PTPN1: variants seen among roughly 807,000 people sequenced by gnomAD.
PTPN1 encodes the protein tyrosine-protein phosphatase non-receptor type 1.
In PTPN1, 12 loss-of-function variants were observed where a neutral mutation model predicts 59.9. The observed-to-expected ratio is 0.20, with a 90% CI of 0.13 to 0.32. The LOEUF is 0.32. Among genes scored for constraint, PTPN1 ranks in the 10% least tolerant of loss-of-function variants. The pLI is 1.00. For missense variants in PTPN1, 356 were observed against 549.2 expected (o/e 0.65, Z 3.52); for synonymous variants, 178 against 203.6 (o/e 0.87, Z 1.07).
At chr20:50,564,608 A>G (rs2082770060) in intron 2 of PTPN1, among the ~76,000 whole-genome samples, 1 of 152,166 alleles carries the variant, frequency 6.6e-6, no homozygotes, top group African/African-American at 2.4e-5. Context: ...AAAAAAAGTT[A>G]TGCATCAGAG....
At chr20:50,546,734 C>G (rs1040891653) in intron 1 of PTPN1, among the ~76,000 whole-genome samples, 1 of 152,224 alleles carries the variant, frequency 6.6e-6, no homozygotes, top group East Asian at 1.9e-4. Context: ...CTCCATACTT[C>G]AGGGTAGGAG....
Position 50,582,564 on chromosome 20 carries a change from TAAAAC to T in PTPN1, c.1285-127_1285-123del. ...GGGGAGAGGGGGCTACTGTAAAAAA[TAAAAC>T]CAAAACCCCCTTTGCTCCCTCGGAG... On this transcript the variant is annotated intron_variant, in intron 9 of 9. Transcript: ENST00000371621. This position sits in a 1 kb window ranked among gnomAD's most constrained non-coding sequence, Gnocchi z 4.2. The T allele has an allele frequency of 1.0e-6, 1 of 961,202 alleles. No homozygotes were observed. The highest frequency in any genetic ancestry group is 1.6e-6 in the Non-Finnish European group (1 of 642,558). The allele number at this position is 961,202 out of a possible 1,614,324, so 59.5% of individuals were successfully genotyped here.
chr20:50,522,754 T>C (rs2082556532), intron 1 of PTPN1, among the ~76,000 whole-genome samples: 1 of 152,078 alleles, frequency 6.6e-6, no homozygotes, highest in Admixed American at 6.6e-5. Flanking sequence ...GGTATTTGTA[T>C]TTATTTATTT....
At chr20:50,573,337 C>A (rs771937256) in intron 4 of PTPN1, 13 of 152,250 alleles carry the variant, frequency 8.5e-5, no homozygotes, top group Non-Finnish European at 1.9e-4. Context: ...TCAAAACCTG[C>A]CTCTTGCACA....
intron 1 of PTPN1, among the ~76,000 whole-genome samples, chr20:50,538,481 C>G (rs1047769853): frequency 6.6e-6 from 1 of 152,176 alleles, no homozygotes; most frequent in Non-Finnish European, 1.5e-5. Flanking sequence ...CAGTGTGATC[C>G]TTTCTGTGTA....
At chr20:50,511,034 A>T (rs1332323134) in intron 1 of PTPN1, among the ~76,000 whole-genome samples, 1 of 151,424 alleles carries the variant, frequency 6.6e-6, no homozygotes, top group African/African-American at 2.4e-5. Flanking sequence ...CCTCCTTCAC[A>T]TTTCCTTTCC....
In PTPN1 at chr20:50,520,090, G is replaced by A. The variant is rs545722358; in HGVS notation, c.63+9500G>A. 5.9e-5 allele frequency among the ~76,000 whole-genome samples: 9 copies of A among 152,182 alleles called. No homozygotes were observed. In the South Asian group the frequency reaches 1.7e-3, roughly 28 times the overall value. On this transcript the variant is annotated intron_variant, in intron 1 of 9. Transcript: ENST00000371621. ...ACAGTATTTAAAAATCTTTGATTCC[G>A]GCCGGGCATGGTGGCTCACGCCTGT...
At chr20:50,555,345 A>C (rs1384520766) in intron 1 of PTPN1, among the ~76,000 whole-genome samples, 1 of 152,232 alleles carries the variant, frequency 6.6e-6, no homozygotes, top group African/African-American at 2.4e-5. Flanking sequence ...AAATGTGAAC[A>C]ATACAAAGCA....
At chr20:50,572,378 G>GCATAC (rs1217732644) in intron 4 of PTPN1, 1 of 152,212 alleles carries the variant, frequency 6.6e-6, no homozygotes, top group Admixed American at 6.5e-5. Context: ...AAATGACAGA[G>GCATAC]CATAGCTTGT....
intron 1 of PTPN1, among the ~76,000 whole-genome samples, chr20:50,555,555 C>T (rs1426298201): frequency 6.6e-6 from 1 of 152,118 alleles, no homozygotes; most frequent in Non-Finnish European, 1.5e-5. Flanking sequence ...AAATATACCT[C>T]AAAAGCAGTT....
At chr20:50,576,021 T>C (rs988332124) in intron 5 of PTPN1, among the ~76,000 whole-genome samples, 1 of 152,180 alleles carries the variant, frequency 6.6e-6, no homozygotes, top group African/African-American at 2.4e-5. Context: ...GCCTGGCTCT[T>C]GAGGATGGTA....
At chr20:50,548,988 G>T (rs1018092986) in intron 1 of PTPN1, among the ~76,000 whole-genome samples, 1 of 152,206 alleles carries the variant, frequency 6.6e-6, no homozygotes, top group African/African-American at 2.4e-5. Context: ...AAAGTGCTGG[G>T]ATTACAGGCA....
At chr20:50,513,125 CTT>C (rs2082514367) in intron 1 of PTPN1, among the ~76,000 whole-genome samples, 1 of 152,266 alleles carries the variant, frequency 6.6e-6, no homozygotes, top group African/African-American at 2.4e-5. Context: ...GGAAAACAAA[CTT>C]TTTAGGCAGA....
rs2082877325 is a variant in PTPN1, at chr20:50,583,050, A to C, written c.*335A>C. ...CCAGGGCTCCCTCCTGGAGCATCCC[A>C]GGCGGGCGGCACGCCAACAGCCCCC... is the stretch of plus-strand genomic sequence containing the variant. On this transcript the variant is annotated 3_prime_UTR_variant, in exon 10 of 10. Coordinates refer to ENST00000371621, the MANE Select transcript of PTPN1 (RefSeq NM_002827.4). The C allele has an allele frequency of 2.9e-6, 1 of 339,514 alleles. No individual in the cohort carries two copies. The highest frequency in any genetic ancestry group is 4.3e-5 in the Admixed American group (1 of 23,164). 21.0% of individuals were successfully genotyped at this position (339,514 alleles called of 1,614,324 possible). A position where few individuals can be genotyped will look rare whatever the true frequency, so the allele number is the denominator to read the frequency against.
At chr20:50,521,042 CT>C (rs2082549000) in intron 1 of PTPN1, among the ~76,000 whole-genome samples, 2 of 152,128 alleles carry the variant, frequency 1.3e-5, no homozygotes, top group East Asian at 1.9e-4. Context: ...CCTGATCCCC[CT>C]AATCTAAAAG....
At chr20:50,579,398 A>C (rs2082854065) in intron 7 of PTPN1, 69 bp downstream of exon 7, 2 of 1,521,834 alleles carry the variant, frequency 1.3e-6, no homozygotes, top group Non-Finnish European at 1.8e-6. Context: ...GGAGGCTGTC[A>C]GTTGTAAAAG....
At chr20:50,514,577 G>A (rs1259406400) in intron 1 of PTPN1, among the ~76,000 whole-genome samples, 1 of 152,052 alleles carries the variant, frequency 6.6e-6, no homozygotes, top group African/African-American at 2.4e-5. Flanking sequence ...TGTTGCCCAG[G>A]TTGGTCTTGA....
At chr20:50,515,643 T>C (rs1010369965) in intron 1 of PTPN1, among the ~76,000 whole-genome samples, 1 of 152,210 alleles carries the variant, frequency 6.6e-6, no homozygotes, top group Non-Finnish European at 1.5e-5. Context: ...CCAAGCTTCC[T>C]GAGGCCACCT....
At position 50,553,135 on chromosome 20, in the gene PTPN1, A is replaced by C. The variant is rs549121686; in HGVS notation, c.64-8228A>C. On this transcript the variant is annotated intron_variant, in intron 1 of 9. Transcript: ENST00000371621. ...TTCTTTGCTGTAGCTCCAATATTCA[A>C]AACAGTGCCTGACACACAGTAGGCC... Among the ~76,000 whole-genome samples, 240 of 152,334 alleles carry C rather than the reference A, an allele frequency of 1.6e-3. 2 individuals carry two copies. Among genetic ancestry groups the C allele is most frequent in the African/African-American group, 5.6e-3 (234 of 41,566 alleles).
Sources: gnomAD v4.1 joint callset for allele counts (sites outside exome capture counted in the v4.1 genomes callset) on GRCh38, gnomAD v4.1.1 for gene constraint, Gnocchi (gnomAD v3.1) non-coding constraint, MANE v1.5 for transcripts, NCBI Gene and HGNC (gene_info 2026-07-23, HGNC 2026-07-21) for gene names.